Variants in AASS observed in about 807,000 individuals in gnomAD.
AASS encodes the protein alpha-aminoadipic semialdehyde synthase, mitochondrial.
AASS carries 86 observed loss-of-function variants against 105.4 expected under a neutral mutation model. The ratio of observed to expected loss-of-function variants is 0.82; its 90% confidence interval spans 0.69 to 0.98. The LOEUF (loss-of-function observed/expected upper bound fraction) is 0.98, where lower values mean the gene tolerates loss of function less well. Among genes scored for constraint, AASS ranks in the 50% least tolerant of loss-of-function variants. The pLI, the probability that AASS is intolerant of heterozygous loss-of-function variation, is 0.00. For missense variants in AASS, 1,048 were observed against 1,143.2 expected, an observed-to-expected ratio of 0.92 and a Z score of 1.20; for synonymous variants, 381 against 394.8, an observed-to-expected ratio of 0.96 and a Z score of 0.41.
chr7:122,093,119 G>A lies in AASS; in HGVS notation c.1695C>T (p.Ala565=), dbSNP rs1230487646. Residue 565 remains alanine (A), a synonymous_variant, in exon 16 of 24, where the codon GCC becomes GCT. Transcript: ENST00000417368. Reference sequence around the variant, plus strand: ...CCATGTTAACTTTGTTTGTGATGCAGGCCTTGGCCACAAGAGGGTGCAATA... The same window carrying A: ...CCATGTTAACTTTGTTTGTGATGCAAGCCTTGGCCACAAGAGGGTGCAATA... ...PYVLHPLVAK[A]CITNKVNMVT... is the part of the protein sequence containing the mutation. 66 of 1,613,934 alleles carry A rather than the reference G, an allele frequency of 4.1e-5. No individual in the cohort carries two copies. Among genetic ancestry groups the A allele is most frequent in the Non-Finnish European group, 5.4e-5 (64 of 1,179,866 alleles).
intron 1 of AASS, among the ~76,000 whole-genome samples, chr7:122,141,243 G>T (rs1381791795): frequency 2.0e-5 from 3 of 152,082 alleles, no homozygotes; most frequent in African/African-American, 7.2e-5. Flanking sequence ...GGGGGAGGAG[G>T]TCTATTAGTG....
intron 3 of AASS, among the ~76,000 whole-genome samples, chr7:122,127,133 C>T (rs963165989): frequency 1.1e-4 from 17 of 152,108 alleles, no homozygotes; most frequent in African/African-American, 2.4e-4. Context: ...AGGATTCCTT[C>T]GAGTAGCTCA....
In AASS at chr7:122,078,257, T is replaced by G. The variant is rs537954403; in HGVS notation, c.2486-243A>C. 2.0e-5 allele frequency among the ~76,000 whole-genome samples: 3 copies of G among 152,172 alleles called. No homozygotes were observed. The South Asian group carries it at 6.2e-4, about 32-fold the overall frequency. ...ATCCTGTTTACAGACACAAAAGCGC[T>G]GCTATAGAGGCCTTTTAGTGTGCTC... is the stretch of plus-strand genomic sequence containing the variant. On this transcript the variant is annotated intron_variant, in intron 22 of 23. Coordinates refer to ENST00000417368, the MANE Select transcript of AASS (RefSeq NM_005763.4).
In AASS at chr7:122,098,821, C is replaced by A. The variant is rs550968039; in HGVS notation, c.1452G>T (p.Leu484Phe). The change falls in exon 14 of 24, where the codon TTG becomes TTT. Residue 484 changes from leucine to phenylalanine, a missense_variant. Physicochemically the swap from Leu to Phe is conservative, Grantham distance 22. Coordinates refer to ENST00000417368, the MANE Select transcript of AASS (RefSeq NM_005763.4). Reference protein sequence around the residue: ...SLSMGTRRKVLVLGSGYISEP... With the variant: ...SLSMGTRRKVFVLGSGYISEP... ...CAGATATGTAGCCAGATCCAAGAACCAAAACCTTTCTCCTGGTGCCCATTG... is the reference window on the plus strand; with the variant it reads ...CAGATATGTAGCCAGATCCAAGAACAAAAACCTTTCTCCTGGTGCCCATTG... 4 of 1,569,596 alleles carry A rather than the reference C, an allele frequency of 2.5e-6. No homozygotes were observed. The highest frequency in any genetic ancestry group is 1.4e-5 in the African/African-American group (1 of 69,884).
At chr7:122,108,689 A>G (rs1290755490) in intron 11 of AASS, among the ~76,000 whole-genome samples, 1 of 152,150 alleles carries the variant, frequency 6.6e-6, no homozygotes, top group Non-Finnish European at 1.5e-5. Context: ...AATAAAAGCC[A>G]TATTTGACAG....
chr7:122,082,349 G>A (rs1388022935), intron 19 of AASS, among the ~76,000 whole-genome samples: 1 of 152,104 alleles, frequency 6.6e-6, no homozygotes, highest in East Asian at 1.9e-4. Context: ...CTCTGTACAT[G>A]CTGCTCCTGT....
intron 3 of AASS, among the ~76,000 whole-genome samples, chr7:122,126,761 C>T (rs887192086): frequency 1.3e-5 from 2 of 152,104 alleles, no homozygotes; most frequent in African/African-American, 4.8e-5. Context: ...CCACCCAGCA[C>T]CATCTATAAA....
intron 1 of AASS, among the ~76,000 whole-genome samples, chr7:122,134,729 G>C (rs1369108565): frequency 6.6e-6 from 1 of 151,330 alleles, no homozygotes; most frequent in Non-Finnish European, 1.5e-5. Flanking sequence ...ATTCCTCAAG[G>C]ATCTAGAACT....
At chr7:122,079,778 A>AAAT in intron 20 of AASS, 66 bp from the exon 21 acceptor site, 1 of 1,010,094 alleles carries the variant, frequency 9.9e-7, no homozygotes, top group Non-Finnish European at 1.6e-6. Flanking sequence ...TGACTGAAAA[A>AAAT]TTATCCTACT....
intron 19 of AASS, chr7:122,082,907 T>C (rs1206944199): frequency 8.1e-7 from 1 of 1,242,034 alleles, no homozygotes; most frequent in Non-Finnish European, 1.1e-6. Flanking sequence ...AGAGAACAAA[T>C]GGCTGGATAA....
chr7:122,135,306 AC>A (rs1243141951), intron 1 of AASS, among the ~76,000 whole-genome samples: 5 of 151,680 alleles, frequency 3.3e-5, no homozygotes, highest in African/African-American at 1.2e-4. Context: ...GACCAAACAA[AC>A]CTATTCTTTA....
At chr7:122,140,304 TG>T (rs1403816573) in intron 1 of AASS, among the ~76,000 whole-genome samples, 1 of 150,936 alleles carries the variant, frequency 6.6e-6, no homozygotes, top group Non-Finnish European at 1.5e-5. Flanking sequence ...GCTGACACGG[TG>T]AAACCCCGTC....
Position 122,133,511 on chromosome 7 carries a change from A to T in AASS, c.210+6T>A, listed in dbSNP as rs754549039. ...ATTCTCACATAAAAATATTGGAAATACTCACCTTATCATGAATGGCCCGCC... is the reference window on the plus strand; with the variant it reads ...ATTCTCACATAAAAATATTGGAAATTCTCACCTTATCATGAATGGCCCGCC... On this transcript the variant is annotated splice_donor_region_variant and intron_variant, in intron 2 of 23. Transcript: ENST00000417368. The T allele has an allele frequency of 3.7e-6, 6 of 1,613,932 alleles. No homozygotes were observed. Among genetic ancestry groups the T allele is most frequent in the East Asian group, 2.2e-5 (1 of 44,878 alleles).
intron 11 of AASS, among the ~76,000 whole-genome samples, chr7:122,105,103 A>C (rs1030272470): frequency 6.6e-6 from 1 of 152,048 alleles, no homozygotes; most frequent in Admixed American, 6.6e-5. Context: ...GATAGAAAAA[A>C]CTTAACACAA....
At chr7:122,134,388 G>C (rs1796051900) in intron 1 of AASS, among the ~76,000 whole-genome samples, 2 of 152,044 alleles carry the variant, frequency 1.3e-5, no homozygotes, top group African/African-American at 4.8e-5. Context: ...TTTATTTTTA[G>C]ACATGAAGTC....
At chr7:122,141,658 CAAAAAAAAAAAAAAAAA>C (rs67469054) in intron 1 of AASS, among the ~76,000 whole-genome samples, 3 of 94,634 alleles carry the variant, frequency 3.2e-5, no homozygotes, top group Non-Finnish European at 6.5e-5. Context: ...CCTAACCCTG[CAAAAAAAAAAAAAAAAA>C]AAAAAAAAAA....
At chr7:122,116,583 C>T (rs2150536899) in intron 8 of AASS, 50 bp downstream of exon 8, 2 of 1,611,682 alleles carry the variant, frequency 1.2e-6, no homozygotes, top group South Asian at 2.2e-5. Flanking sequence ...AAATAGCCTA[C>T]CTACACTGTA....
chr7:122,096,292 T>TA (rs1794151200), intron 15 of AASS, among the ~76,000 whole-genome samples: 1 of 152,068 alleles, frequency 6.6e-6, no homozygotes, highest in African/African-American at 2.4e-5. Flanking sequence ...TTTTTTGTAG[T>TA]CCCTATCACT....
At chr7:122,127,459 G>GT (rs1050676797) in intron 3 of AASS, among the ~76,000 whole-genome samples, 4 of 151,694 alleles carry the variant, frequency 2.6e-5, no homozygotes, top group South Asian at 2.1e-4. Context: ...TGTTAGGTCA[G>GT]TTTTTTTTAA....
Sources: gnomAD v4.1 joint callset for allele counts (sites outside exome capture counted in the v4.1 genomes callset) on GRCh38, gnomAD v4.1.1 for gene constraint, MANE v1.5 for transcripts, NCBI Gene and HGNC (gene_info 2026-07-23, HGNC 2026-07-21) for gene names.